The following SLFN12L variants were observed in gnomAD, a reference collection of about 807,000 sequenced individuals.
The protein encoded by SLFN12L is schlafen family member 12 like.
SLFN12L carries 34 observed loss-of-function variants against 34.8 expected under a neutral mutation model. That is an observed-to-expected ratio of 0.98 (90% CI 0.74 to 1.30). SLFN12L has a LOEUF of 1.30. Among genes scored for constraint, SLFN12L ranks in the 50% most tolerant of loss-of-function variants. The pLI, the probability that SLFN12L is intolerant of heterozygous loss-of-function variation, is 0.00. For missense variants in SLFN12L, 703 were observed against 696.2 expected, an observed-to-expected ratio of 1.01 and a Z score of -0.11; for synonymous variants, 259 against 247.5, an observed-to-expected ratio of 1.05 and a Z score of -0.44.
chr17:35,487,644 A>G (rs1914642312), intron 2 of SLFN12L: 9 of 1,421,442 alleles, frequency 6.3e-6, no homozygotes, highest in Non-Finnish European at 8.6e-6. Flanking sequence ...CTGAGGGATC[A>G]CGGAGAAGTT....
rs1203982979 is a variant in SLFN12L at position 35,473,378 on chromosome 17, CAG to C, written c.*1543_*1544del. On this transcript the variant is annotated 3_prime_UTR_variant, in exon 5 of 5. Transcript: ENST00000628453. ...AACATAAAGGGATGTTGAATTTTGT[CAG>C]AGTCTTTTTCTGCATCTATTGAGAT... Among the ~76,000 whole-genome samples, 6 of 152,128 alleles carry C rather than the reference CAG, an allele frequency of 3.9e-5. No homozygotes were observed. The highest frequency in any genetic ancestry group is 1.4e-4 in the African/African-American group (6 of 41,426).
Position 35,468,624 on chromosome 17 carries a change from A to G in SLFN12L, c.*6299T>C, listed in dbSNP as rs1176826843. ...TCTGAGTGTGCTGTCTGCTTAGCCT[A>G]TCATCCTGGCATACTCCTTGCTCTC... On this transcript the variant is annotated 3_prime_UTR_variant, in exon 5 of 5. Transcript: ENST00000628453. Among the ~76,000 whole-genome samples, 2 of 152,164 alleles carry G rather than the reference A, an allele frequency of 1.3e-5. No individual in the cohort carries two copies. Among genetic ancestry groups the G allele is most frequent in the Admixed American group, 6.5e-5 (1 of 15,288 alleles).
At position 35,474,697 on chromosome 17, in the gene SLFN12L, G is replaced by A. The variant is rs796071289; in HGVS notation, c.*226C>T. 2.5e-5 allele frequency: 9 copies of A among 356,218 alleles called. No homozygotes were observed. Among genetic ancestry groups the A allele is most frequent in the African/African-American group, 9.3e-5 (4 of 43,048 alleles). 22.1% of individuals were successfully genotyped at this position (356,218 alleles called of 1,614,324 possible). ...AGCACTTTGGGAGACCGGGGGGGGG[G>A]GTTGAATCACGAGGTCAGGAGTTCA... is the stretch of plus-strand genomic sequence containing the variant. On this transcript the variant is annotated 3_prime_UTR_variant, in exon 5 of 5. Transcript: ENST00000628453.
Position 35,495,341 on chromosome 17 carries a change from G to A in SLFN12L, c.87-15146C>T, listed in dbSNP as rs116196475. 8.2e-3 allele frequency among the ~76,000 whole-genome samples: 1,241 copies of A among 152,252 alleles called. 18 individuals carry two copies. The highest frequency in any genetic ancestry group is 0.027 in the Admixed American group (415 of 15,296). On this transcript the variant is annotated intron_variant, in intron 2 of 4. Transcript: ENST00000628453. The stretch of plus-strand genomic sequence containing the variant: ...CCATAGGTTCATTGTCTTAAGTGCC[G>A]TGATGGTTTCAAGGGTTTCTAGGTA...
intron 2 of SLFN12L, chr17:35,480,415 A>G (rs11651631): frequency 0.032 from 13,490 of 417,636 alleles, 319 homozygotes; most frequent in East Asian, 0.077. Context: ...ATACGATCTT[A>G]TTCTAATAAT....
At chr17:35,484,504 G>A (rs1914496379) in intron 2 of SLFN12L, among the ~76,000 whole-genome samples, 1 of 152,130 alleles carries the variant, frequency 6.6e-6, no homozygotes, top group Non-Finnish European at 1.5e-5. Flanking sequence ...CCAGTGCCAG[G>A]TACCAATCAG....
intron 2 of SLFN12L, chr17:35,514,911 C>T (rs1915764628): frequency 2.9e-5 from 12 of 413,152 alleles, no homozygotes; most frequent in South Asian, 2.4e-4. Context: ...CCACACACAG[C>T]ACTTGGATTT....
rs147960232 is a variant in SLFN12L at position 35,468,462 on chromosome 17, C to T, written c.*6461G>A. Reference sequence around the variant, plus strand: ...GCTTACCGTCAGAGATGAATTTACCCCTGCACCAGACATGGCGTCACCCTA... The same window carrying T: ...GCTTACCGTCAGAGATGAATTTACCTCTGCACCAGACATGGCGTCACCCTA... On this transcript the variant is annotated 3_prime_UTR_variant, in exon 5 of 5. Coordinates refer to ENST00000628453, the MANE Select transcript of SLFN12L (RefSeq NM_001363830.2). Among the ~76,000 whole-genome samples the T allele has an allele frequency of 8.2e-4, 125 of 152,288 alleles. No individual in the cohort carries two copies. The highest frequency in any genetic ancestry group is 2.9e-3 in the African/African-American group (120 of 41,558).
intron 2 of SLFN12L, among the ~76,000 whole-genome samples, chr17:35,508,840 T>C (rs1915549960): frequency 1.3e-5 from 2 of 152,058 alleles, no homozygotes; most frequent in African/African-American, 4.8e-5. Context: ...ACTGACCTTA[T>C]TAGCTTTGAT....
chr17:35,480,059 C>T lies in SLFN12L; in HGVS notation c.223G>A (p.Asp75Asn). Residue 75 changes from aspartate (D) to asparagine (N), a missense_variant, in exon 3 of 5, where the codon GAT (aspartate) becomes AAT (asparagine). Asp to Asn is a conservative substitution (Grantham distance 23). Coordinates refer to ENST00000628453, the MANE Select transcript of SLFN12L (RefSeq NM_001363830.2). ...LGENNRKKMK[D>N]CQLRKQQNEN... is the part of the protein sequence containing the mutation. Reference sequence around the variant, plus strand: ...TTCTGCTGTTTTCTCAGTTGACAATCCTTCATTTTTTTTCTATTGTTCTCT... The same window carrying T: ...TTCTGCTGTTTTCTCAGTTGACAATTCTTCATTTTTTTTCTATTGTTCTCT... The T allele has an allele frequency of 6.2e-7, 1 of 1,614,158 alleles. No individual in the cohort carries two copies. The highest frequency in any genetic ancestry group is 2.2e-5 in the East Asian group (1 of 44,886).
intron 2 of SLFN12L, among the ~76,000 whole-genome samples, chr17:35,495,603 G>A (rs772649859): frequency 6.6e-6 from 1 of 151,994 alleles, no homozygotes; most frequent in Admixed American, 6.6e-5. Flanking sequence ...CCTGCTCCCC[G>A]CGCCTTCTTT....
chr17:35,505,906 G>A (rs1380436886), intron 2 of SLFN12L, among the ~76,000 whole-genome samples: 1 of 152,178 alleles, frequency 6.6e-6, no homozygotes, highest in African/African-American at 2.4e-5. Flanking sequence ...TCAGACTGAG[G>A]ACTGTTCCCA....
Position 35,479,650 on chromosome 17 carries a change from AC to A in SLFN12L, c.631del (p.Val211LeufsTer28), listed in dbSNP as rs1567647240. On this transcript the variant is annotated frameshift_variant, in exon 3 of 5. Coordinates refer to ENST00000628453, the MANE Select transcript of SLFN12L (RefSeq NM_001363830.2). LOFTEE classifies it high-confidence loss of function. Reference protein sequence around the residue: ...RPEFPAKRACVDVQEESNMEA... With the variant: ...RPEFPAKRACXDVQEESNMEA... ...CATGTTACTTTCTTCTTGTACATCAACACAGGCCCTTTTTGCAGGGAATTCT... is the reference window on the plus strand; with the variant it reads ...CATGTTACTTTCTTCTTGTACATCAAACAGGCCCTTTTTGCAGGGAATTCT... 5.6e-6 allele frequency: 9 copies of A among 1,611,498 alleles called. No individual in the cohort carries two copies. The highest frequency in any genetic ancestry group is 7.6e-6 in the Non-Finnish European group (9 of 1,178,546).
In SLFN12L at chr17:35,474,609, G is replaced by A; in HGVS notation, c.*314C>T. The stretch of plus-strand genomic sequence containing the variant: ...CTGGGAGATGCTGGAAATGTCAAAG[G>A]CTAATTGGTCTATAAAAGAATTGAT... On this transcript the variant is annotated 3_prime_UTR_variant, in exon 5 of 5. Transcript: ENST00000628453. 4.0e-6 allele frequency: 1 copy of A among 247,144 alleles called. No homozygotes were observed. The highest frequency in any genetic ancestry group is 7.9e-6 in the Non-Finnish European group (1 of 127,076). The allele number at this position is 247,144 out of a possible 1,614,324, so 15.3% of individuals were successfully genotyped here.
intron 2 of SLFN12L, among the ~76,000 whole-genome samples, chr17:35,486,615 C>T (rs972206400): frequency 4.6e-5 from 7 of 152,124 alleles, no homozygotes; most frequent in African/African-American, 7.2e-5. Context: ...TAAATAAAAA[C>T]GAGCTGAGGA....
intron 2 of SLFN12L, chr17:35,490,691 C>G: frequency 8.5e-7 from 1 of 1,180,404 alleles, no homozygotes; most frequent in South Asian, 1.2e-5. Context: ...ACCGAGGATT[C>G]AGATCGTCAA....
intron 2 of SLFN12L, chr17:35,487,779 T>C: frequency 1.3e-6 from 2 of 1,535,096 alleles, no homozygotes; most frequent in Non-Finnish European, 1.7e-6. Flanking sequence ...CCTGAGTTCT[T>C]TTCCACTTTC....
chr17:35,532,059 G>C (rs1179063058), intron 1 of SLFN12L, among the ~76,000 whole-genome samples: 1 of 152,170 alleles, frequency 6.6e-6, no homozygotes, highest in Non-Finnish European at 1.5e-5. Context: ...GAAAACTCTA[G>C]TAGATTTCTT....
At chr17:35,500,671 G>T (rs1000351717) in intron 2 of SLFN12L, among the ~76,000 whole-genome samples, 1 of 151,778 alleles carries the variant, frequency 6.6e-6, no homozygotes, top group Non-Finnish European at 1.5e-5. Flanking sequence ...AGAGCTTGCA[G>T]TGAGCCAAGA....
Sources: allele counts gnomAD v4.1 joint callset (sites outside exome capture counted in the v4.1 genomes callset), GRCh38; gene constraint gnomAD v4.1.1; transcripts MANE v1.5; gene names NCBI Gene and HGNC (gene_info 2026-07-23, HGNC 2026-07-21).